IDE: variants seen among roughly 807,000 people sequenced by gnomAD.
The protein encoded by IDE is insulin-degrading enzyme.
In IDE, 58 loss-of-function variants were observed where a neutral mutation model predicts 133.2. That is an observed-to-expected ratio of 0.44 (90% CI 0.35 to 0.54). IDE has a LOEUF of 0.54. IDE is among the 20% of genes least tolerant of loss of function. The pLI, the probability that IDE is intolerant of heterozygous loss-of-function variation, is 0.00. For synonymous variants in IDE, 396 were observed against 421.3 expected (o/e 0.94, Z 0.73); for missense variants, 981 against 1,234.0 (o/e 0.79, Z 3.07).
intron 5 of IDE, among the ~76,000 whole-genome samples, chr10:92,514,438 TTG>T (rs1650329555): frequency 6.6e-6 from 1 of 152,112 alleles, no homozygotes; most frequent in African/African-American, 2.4e-5. Flanking sequence ...TTTGTCCTTT[TTG>T]TGTGTTTTTT....
At chr10:92,525,186 G>C (rs566311812) in intron 4 of IDE, among the ~76,000 whole-genome samples, 1 of 152,310 alleles carries the variant, frequency 6.6e-6, no homozygotes, top group East Asian at 1.9e-4. Context: ...CCGGGAGGCA[G>C]AGGTTGCAGT....
chr10:92,547,391 T>G (rs1036631768), intron 1 of IDE, among the ~76,000 whole-genome samples: 5 of 152,060 alleles, frequency 3.3e-5, no homozygotes, highest in Non-Finnish European at 5.9e-5. Context: ...GCCTGGTTTC[T>G]AAAGATCAAT....
chr10:92,528,814 T>A (rs1188684676), intron 4 of IDE, among the ~76,000 whole-genome samples: 1 of 152,212 alleles, frequency 6.6e-6, no homozygotes, highest in East Asian at 1.9e-4. Context: ...TGATGGCTCA[T>A]GCCTGTAATC....
At chr10:92,480,705 T>G (rs903417853) in intron 14 of IDE, 4 of 152,464 alleles carry the variant, frequency 2.6e-5, no homozygotes, top group African/African-American at 9.6e-5. Flanking sequence ...AATTAAAAGT[T>G]TCACTCTACT....
chr10:92,528,888 C>T (rs529966715), intron 4 of IDE, among the ~76,000 whole-genome samples: 4 of 151,996 alleles, frequency 2.6e-5, no homozygotes, highest in Non-Finnish European at 4.4e-5. Flanking sequence ...ACCAGCCTGG[C>T]TAACATGGTG....
chr10:92,470,873 T>G (rs568453080), intron 17 of IDE, among the ~76,000 whole-genome samples: 1 of 152,352 alleles, frequency 6.6e-6, no homozygotes, highest in South Asian at 2.1e-4. Context: ...GTAGTACTAG[T>G]GATGTTAAAA....
At chr10:92,464,740 C>T (rs569187872) in intron 20 of IDE, among the ~76,000 whole-genome samples, 7 of 152,250 alleles carry the variant, frequency 4.6e-5, no homozygotes, top group African/African-American at 1.7e-4. Context: ...GCACGATCTC[C>T]GCTCACTGCA....
chr10:92,526,772 G>A (rs1849642279), intron 4 of IDE, among the ~76,000 whole-genome samples: 1 of 151,100 alleles, frequency 6.6e-6, no homozygotes, highest in Non-Finnish European at 1.5e-5. Flanking sequence ...TTTGAGCCCA[G>A]GAGGAGGAGG....
intron 21 of IDE, among the ~76,000 whole-genome samples, chr10:92,463,186 A>G (rs1045634828): frequency 4.6e-5 from 7 of 152,256 alleles, no homozygotes; most frequent in African/African-American, 1.7e-4. Flanking sequence ...GACTTCTAGT[A>G]CAGCTTAGCA....
chr10:92,569,456 C>T (rs1843690126), intron 1 of IDE, among the ~76,000 whole-genome samples: 1 of 152,118 alleles, frequency 6.6e-6, no homozygotes, highest in Admixed American at 6.5e-5. Flanking sequence ...GAGATAATCT[C>T]ACTGATGTAA....
Position 92,564,671 on chromosome 10 carries a change from C to CAAAAAA in IDE, c.98+9245_98+9250dup, listed in dbSNP as rs532861372. On this transcript the variant is annotated intron_variant, in intron 1 of 24. Transcript: ENST00000265986. ...CCTGGGCGATAAAGCGAGACTGTCTCAAAAAAAAAAAAAAAAAAAAAAAAA... is the reference window on the plus strand; with the variant it reads ...CCTGGGCGATAAAGCGAGACTGTCTCAAAAAAAAAAAAAAAAAAAAAAAAAAAAAAA... Among the ~76,000 whole-genome samples, 45 of 31,584 alleles carry CAAAAAA rather than the reference C, an allele frequency of 1.4e-3. 7 individuals are homozygous for CAAAAAA. The highest frequency in any genetic ancestry group is 2.1e-3 in the Non-Finnish European group (35 of 16,298). The allele number at this position is 31,584 out of a possible 152,430, so 20.7% of individuals were successfully genotyped here.
chr10:92,549,033 G>A (rs1419846752), intron 1 of IDE, among the ~76,000 whole-genome samples: 4 of 152,060 alleles, frequency 2.6e-5, no homozygotes, highest in Admixed American at 6.6e-5. Context: ...TGAGGCGGGC[G>A]GATCACATGA....
intron 19 of IDE, 111 bp downstream of exon 19, chr10:92,468,768 G>A: frequency 3.4e-6 from 2 of 588,898 alleles, no homozygotes; most frequent in Non-Finnish European, 6.1e-6. Context: ...AATAGGAGAG[G>A]TTCCCAAGTA....
At chr10:92,493,099 A>C (rs1404036733) in intron 11 of IDE, among the ~76,000 whole-genome samples, 1 of 152,238 alleles carries the variant, frequency 6.6e-6, no homozygotes, top group African/African-American at 2.4e-5. Flanking sequence ...GAGTTCTATT[A>C]TTGCGTCAGA....
chr10:92,552,597 G>A lies in IDE; in HGVS notation c.99-15047C>T, dbSNP rs186260563. On this transcript the variant is annotated intron_variant, in intron 1 of 24. Transcript: ENST00000265986. Reference sequence around the variant, plus strand: ...TTTCTGCTCAGGTGAGTTGGCTCACGCCTGTAATCCCAGGACTTTGGGAGG... The same window carrying A: ...TTTCTGCTCAGGTGAGTTGGCTCACACCTGTAATCCCAGGACTTTGGGAGG... 3.0e-3 allele frequency among the ~76,000 whole-genome samples: 460 copies of A among 152,076 alleles called. 3 individuals are homozygous for A. Among genetic ancestry groups the A allele is most frequent in the Non-Finnish European group, 4.9e-3 (333 of 67,990 alleles).
At chr10:92,564,861 A>G (rs1389461530) in intron 1 of IDE, among the ~76,000 whole-genome samples, 1 of 151,922 alleles carries the variant, frequency 6.6e-6, no homozygotes, top group East Asian at 1.9e-4. Flanking sequence ...GTTCAAGACC[A>G]ACCTCTGCAA....
Position 92,573,066 on chromosome 10 carries a change from CA to C in IDE, c.98+855del, listed in dbSNP as rs1415558157. 23 of 985,402 alleles carry C rather than the reference CA, an allele frequency of 2.3e-5. No individual in the cohort carries two copies. In the African/African-American group the frequency reaches 3.7e-4, roughly 16 times the overall value. The allele number at this position is 985,402 out of a possible 1,614,324, so 61.0% of individuals were successfully genotyped here. A position where few individuals can be genotyped will look rare whatever the true frequency, so the allele number is the denominator to read the frequency against. On this transcript the variant is annotated intron_variant, in intron 1 of 24. Coordinates refer to ENST00000265986, the MANE Select transcript of IDE (RefSeq NM_004969.4). ...TTACTGATTAAAACCAGCAGGGGTT[CA>C]AATAACGTTTCTAGGGAGGGCAAGA... is the stretch of plus-strand genomic sequence containing the variant.
intron 1 of IDE, among the ~76,000 whole-genome samples, chr10:92,549,241 A>C (rs1842672804): frequency 6.7e-6 from 1 of 149,982 alleles, no homozygotes; most frequent in Non-Finnish European, 1.5e-5. Flanking sequence ...TGGGCAACAG[A>C]GTGAGACTGT....
Position 92,470,257 on chromosome 10 carries a change from C to T in IDE, c.2205G>A (p.Lys735=), listed in dbSNP as rs1232129862. 1.2e-6 allele frequency: 2 copies of T among 1,600,142 alleles called. 1 individual carries two copies. Among genetic ancestry groups the T allele is most frequent in the South Asian group, 2.3e-5 (2 of 88,644 alleles). Reference sequence around the variant, plus strand: ...TGCTAAAACCTCAACCACCCACCTGCTTTGTTATGTTTCCATGGAGAAGGG... The same window carrying T: ...TGCTAAAACCTCAACCACCCACCTGTTTTGTTATGTTTCCATGGAGAAGGG... The part of the protein sequence containing the change: ...IEALLHGNIT[K]QAALGIMQMV... Residue 735 remains lysine (K), a synonymous_variant, in exon 18 of 25, where the codon AAG becomes AAA. Transcript: ENST00000265986.
Sources: allele counts gnomAD v4.1 joint callset (sites outside exome capture counted in the v4.1 genomes callset), GRCh38; gene constraint gnomAD v4.1.1; transcripts MANE v1.5; gene names NCBI Gene and HGNC (gene_info 2026-07-23, HGNC 2026-07-21).